The following TAPBP variants were observed in gnomAD, a reference collection of about 807,000 sequenced individuals.
TAPBP encodes TAP binding protein.
A neutral mutation model predicts 45.7 loss-of-function variants in TAPBP; 38 were observed. That is an observed-to-expected ratio of 0.83 (90% CI 0.64 to 1.09). The LOEUF is 1.09. TAPBP is among the 50% of genes least tolerant of loss of function. The probability of loss-of-function intolerance (pLI) is 0.00; values close to 1 mark genes in which losing one functional copy is unlikely to be tolerated. For missense variants in TAPBP, 513 were observed against 587.3 expected, an observed-to-expected ratio of 0.87 and a Z score of 1.31; for synonymous variants, 226 against 254.8, an observed-to-expected ratio of 0.89 and a Z score of 1.08.
chr6:33,306,486 G>A (rs1358700422), intron 3 of TAPBP, among the ~76,000 whole-genome samples: 1 of 152,210 alleles, frequency 6.6e-6, no homozygotes, highest in Admixed American at 6.5e-5. Flanking sequence ...CAAAAATAAT[G>A]TGCTATGTGC....
At position 33,300,914 on chromosome 6, in the gene TAPBP, C is replaced by T. The variant is rs1204369829; in HGVS notation, c.*846G>A. ...CCGAGAGGCGGAGCTTGCAGTGAGC[C>T]GAGATCGCGCCACTGCACTCCAGCC... is the stretch of plus-strand genomic sequence containing the variant. On this transcript the variant is annotated 3_prime_UTR_variant, in exon 8 of 8. Coordinates refer to ENST00000434618, the MANE Select transcript of TAPBP (RefSeq NM_003190.5). 1 of 148,528 alleles carries T rather than the reference C, an allele frequency of 6.7e-6. No homozygotes were observed. The highest frequency in any genetic ancestry group is 2.5e-5 in the African/African-American group (1 of 39,940). The allele number at this position is 148,528 out of a possible 1,614,324, so 9.2% of individuals were successfully genotyped here.
rs41266733 is a variant in TAPBP, at chr6:33,304,277, G to A, written c.1210+20C>T. 12,448 of 1,603,646 alleles carry A rather than the reference G, an allele frequency of 7.8e-3. 89 individuals are homozygous for A. The highest frequency in any genetic ancestry group is 8.1e-3 in the Non-Finnish European group (9,524 of 1,173,794). On this transcript the variant is annotated intron_variant, in intron 5 of 7. Transcript: ENST00000434618. ...CTTCCTGGGTGCTGGCTCAGATTCCGCAGAGCTCCCAGCTCTTACCTGCTA... is the reference window on the plus strand; with the variant it reads ...CTTCCTGGGTGCTGGCTCAGATTCCACAGAGCTCCCAGCTCTTACCTGCTA...
intron 7 of TAPBP, among the ~76,000 whole-genome samples, chr6:33,303,370 G>C (rs1768716767): frequency 6.6e-6 from 1 of 151,954 alleles, no homozygotes; most frequent in African/African-American, 2.4e-5. Flanking sequence ...AGTGAGCCGA[G>C]ATCGCACCAT....
intron 7 of TAPBP, among the ~76,000 whole-genome samples, chr6:33,302,529 G>A (rs1768661178): frequency 6.6e-6 from 1 of 152,090 alleles, no homozygotes; most frequent in Non-Finnish European, 1.5e-5. Flanking sequence ...GTTTCACCAT[G>A]TTGGCCAGGC....
Position 33,305,505 on chromosome 6 carries a change from A to AAAAGGTGTCCTCTGAG in TAPBP, c.470-119_470-118insCTCAGAGGACACCTTT. ...AAACTGCAGTTTACCCACCCCTCAG[A>AAAAGGTGTCCTCTGAG]GGACACCTTTTCTGATACTCACCAT... On this transcript the variant is annotated intron_variant, in intron 3 of 7. Transcript: ENST00000434618. This position sits in a 1 kb window ranked among gnomAD's most constrained non-coding sequence, Gnocchi z 4.4. 8.6e-7 allele frequency: 1 copy of AAAAGGTGTCCTCTGAG among 1,156,660 alleles called. No homozygotes were observed. Among genetic ancestry groups the AAAAGGTGTCCTCTGAG allele is most frequent in the Non-Finnish European group, 1.2e-6 (1 of 842,976 alleles). 71.6% of individuals were successfully genotyped at this position (1,156,660 alleles called of 1,614,324 possible). A position where few individuals can be genotyped will look rare whatever the true frequency, so the allele number is the denominator to read the frequency against.
Position 33,313,700 on chromosome 6 carries a change from C to G in TAPBP, c.202G>C (p.Val68Leu). Residue 68 changes from valine (V) to leucine (L), a missense_variant, in exon 2 of 8, where the codon GTA (valine) becomes CTA (leucine). Transcript: ENST00000434618. This position sits in a 1 kb window ranked among gnomAD's most constrained non-coding sequence, Gnocchi z 7.2. Reference sequence around the variant, plus strand: ...CGAGTCCCTAGAGACTCACCGTGTACACTGAGATAGAGCTCAGGGTCGAGG... The same window carrying G: ...CGAGTCCCTAGAGACTCACCGTGTAGACTGAGATAGAGCTCAGGGTCGAGG... Reference protein sequence around the residue: ...PDLDPELYLSVHDPAGALQAA... With the variant: ...PDLDPELYLSLHDPAGALQAA... 1 of 1,612,650 alleles carries G rather than the reference C, an allele frequency of 6.2e-7. No individual in the cohort carries two copies. The highest frequency in any genetic ancestry group is 8.5e-7 in the Non-Finnish European group (1 of 1,179,538).
chr6:33,312,243 A>T (rs1769399699), intron 3 of TAPBP, among the ~76,000 whole-genome samples: 1 of 152,030 alleles, frequency 6.6e-6, no homozygotes, highest in African/African-American at 2.4e-5. Flanking sequence ...TGAGACTAAG[A>T]ATGGAGGTAT....
Position 33,305,475 on chromosome 6 carries a change from G to A in TAPBP, c.470-88C>T, listed in dbSNP as rs1006007590. The A allele has an allele frequency of 1.5e-6, 2 of 1,367,962 alleles. No homozygotes were observed. Among genetic ancestry groups the A allele is most frequent in the Admixed American group, 3.0e-5 (1 of 33,780 alleles). The allele number at this position is 1,367,962 out of a possible 1,614,324, so 84.7% of individuals were successfully genotyped here. ...AATAGAGAAATGCAGTTATTGGGGA[G>A]GGCTAAACTGCAGTTTACCCACCCC... On this transcript the variant is annotated intron_variant, in intron 3 of 7. Transcript: ENST00000434618. The surrounding 1 kb of genome is among the most constrained non-coding windows in gnomAD (Gnocchi z 4.4).
intron 3 of TAPBP, among the ~76,000 whole-genome samples, chr6:33,312,309 G>A (rs1450597064): frequency 6.6e-6 from 1 of 152,138 alleles, no homozygotes. Context: ...GGTTCTGTGG[G>A]TAATTCTCAG....
intron 3 of TAPBP, among the ~76,000 whole-genome samples, chr6:33,307,838 TATGCATATAAAGTGCTTAGA>T (rs1769077848): frequency 6.6e-6 from 1 of 152,200 alleles, no homozygotes; most frequent in African/African-American, 2.4e-5. Context: ...TAAGTGAGAT[TATGCATATAAAGTGCTTAGA>T]ACAGGGCCTG....
At position 33,313,163 on chromosome 6, in the gene TAPBP, TG is replaced by T; in HGVS notation, c.469+53del. The T allele has an allele frequency of 6.5e-7, 1 of 1,539,032 alleles. No homozygotes were observed. Among genetic ancestry groups the T allele is most frequent in the Non-Finnish European group, 8.8e-7 (1 of 1,139,266 alleles). On this transcript the variant is annotated intron_variant, in intron 3 of 7. Transcript: ENST00000434618. The surrounding 1 kb of genome is among the most constrained non-coding windows in gnomAD (Gnocchi z 7.2). ...AAGTCCATAAAGCGAGACCACCGGCTGATCTGGACCCTTAGAATCTACCCAC... is the reference window on the plus strand; with the variant it reads ...AAGTCCATAAAGCGAGACCACCGGCTATCTGGACCCTTAGAATCTACCCAC...
intron 3 of TAPBP, among the ~76,000 whole-genome samples, chr6:33,311,021 G>C (rs766595024): frequency 6.6e-6 from 1 of 151,914 alleles, no homozygotes; most frequent in Non-Finnish European, 1.5e-5. Context: ...TGCTTGAAAA[G>C]AAAGAGCACA....
chr6:33,311,953 A>T (rs1172354378), intron 3 of TAPBP, among the ~76,000 whole-genome samples: 1 of 152,236 alleles, frequency 6.6e-6, no homozygotes, highest in Non-Finnish European at 1.5e-5. Flanking sequence ...AACAGTGTGG[A>T]CTGAGAACTG....
In TAPBP at chr6:33,313,665, AG is replaced by A. The variant is rs573018523; in HGVS notation, c.208+28del. On this transcript the variant is annotated intron_variant, in intron 2 of 7. Transcript: ENST00000434618. The surrounding 1 kb of genome is among the most constrained non-coding windows in gnomAD (Gnocchi z 7.2). ...GGGTTTCGGTGGAGGCGACAGAGGT[AG>A]GGGGGCGGCGAGTCCCTAGAGACTC... 26 of 1,595,444 alleles carry A rather than the reference AG, an allele frequency of 1.6e-5. No homozygotes were observed. The highest frequency in any genetic ancestry group is 5.1e-5 in the Admixed American group (3 of 59,012).
intron 7 of TAPBP, among the ~76,000 whole-genome samples, chr6:33,303,104 A>G (rs1186035063): frequency 6.6e-6 from 1 of 152,014 alleles, no homozygotes; most frequent in Non-Finnish European, 1.5e-5. Flanking sequence ...CCCTCATGTG[A>G]TGGGTCACAT....
Position 33,304,183 on chromosome 6 carries a change from G to A in TAPBP, c.1245C>T (p.Gly415=). 2 of 1,613,704 alleles carry A rather than the reference G, an allele frequency of 1.2e-6. No individual in the cohort carries two copies. Among genetic ancestry groups the A allele is most frequent in the Non-Finnish European group, 1.7e-6 (2 of 1,179,936 alleles). ...LSGPSLEDSV[G]LFLSAFLLLG... is the part of the protein sequence containing the mutation. ...GCAGAAGAAAGGCAGACAGGAAAAGGCCTACGCTGTCCTCAAGGGAGGGCC... is the reference window on the plus strand; with the variant it reads ...GCAGAAGAAAGGCAGACAGGAAAAGACCTACGCTGTCCTCAAGGGAGGGCC... The change falls in exon 6 of 8, where the codon GGC becomes GGT. Residue 415 remains glycine, a synonymous_variant. Coordinates refer to ENST00000434618, the MANE Select transcript of TAPBP (RefSeq NM_003190.5).
chr6:33,304,663 A>G (rs1426708666), intron 4 of TAPBP, 25 bp from the exon 5 acceptor site: 8 of 1,538,836 alleles, frequency 5.2e-6, no homozygotes, highest in Non-Finnish European at 7.0e-6. Flanking sequence ...CGAAATGAGC[A>G]TAGGGAAATC....
At position 33,301,573 on chromosome 6, in the gene TAPBP, CAAA is replaced by C. The variant is rs11350807; in HGVS notation, c.*184_*186del. 3,866 of 419,082 alleles carry C rather than the reference CAAA, an allele frequency of 9.2e-3. No homozygotes were observed. Among genetic ancestry groups the C allele is most frequent in the South Asian group, 0.014 (516 of 36,868 alleles). The allele number at this position is 419,082 out of a possible 1,614,324, so 26.0% of individuals were successfully genotyped here. A position where few individuals can be genotyped will look rare whatever the true frequency, so the allele number is the denominator to read the frequency against. ...TGGGCGGAAGAGTGAGACTCCGTCT[CAAA>C]AAAAAAAAAAAAAGAAAAATTATCC... On this transcript the variant is annotated 3_prime_UTR_variant, in exon 8 of 8. Transcript: ENST00000434618.
Position 33,313,034 on chromosome 6 carries a change from T to C in TAPBP, c.469+183A>G, listed in dbSNP as rs527239292. Reference sequence around the variant, plus strand: ...TTTTTTTTTGTTTTTTTTTTTTAACTGGGTGAGGGCTAGAAGGAGCGGTAG... The same window carrying C: ...TTTTTTTTTGTTTTTTTTTTTTAACCGGGTGAGGGCTAGAAGGAGCGGTAG... On this transcript the variant is annotated intron_variant, in intron 3 of 7. Transcript: ENST00000434618. The surrounding 1 kb of genome is among the most constrained non-coding windows in gnomAD (Gnocchi z 7.2). 262 of 510,446 alleles carry C rather than the reference T, an allele frequency of 5.1e-4. 4 individuals carry two copies. The East Asian group carries it at 9.5e-3, about 19-fold the overall frequency. 31.6% of individuals were successfully genotyped at this position (510,446 alleles called of 1,614,324 possible). A position where few individuals can be genotyped will look rare whatever the true frequency, so the allele number is the denominator to read the frequency against.
Sources: gnomAD v4.1 joint callset for allele counts (sites outside exome capture counted in the v4.1 genomes callset) on GRCh38, gnomAD v4.1.1 for gene constraint, Gnocchi (gnomAD v3.1) non-coding constraint, MANE v1.5 for transcripts, NCBI Gene and HGNC (gene_info 2026-07-23, HGNC 2026-07-21) for gene names.